Variants in UNC13C observed in about 807,000 individuals in gnomAD.
UNC13C encodes unc-13 homolog C, also known as protein unc-13 homolog C.
In UNC13C, 174 loss-of-function variants were observed where a neutral mutation model predicts 245.4. That is an observed-to-expected ratio of 0.71 (90% confidence interval 0.63 to 0.80). The LOEUF is 0.80. Ranked by LOEUF, UNC13C falls within the 30% of genes least tolerant of loss-of-function variation. The pLI, the probability that UNC13C is intolerant of heterozygous loss-of-function variation, is 0.00. For missense variants in UNC13C, 2,829 were observed against 2,602.9 expected (o/e 1.09, Z -1.89); for synonymous variants, 992 against 895.1 (o/e 1.11, Z -1.93).
Position 54,103,225 on chromosome 15 carries a change from A to G in UNC13C, c.2984-39793A>G, listed in dbSNP as rs552415309. Among the ~76,000 whole-genome samples, 16 of 152,342 alleles carry G rather than the reference A, an allele frequency of 1.1e-4. No individual in the cohort carries two copies. The South Asian group carries it at 2.7e-3, about 26-fold the overall frequency. The stretch of plus-strand genomic sequence containing the variant: ...AGTACATACACATGCTCTCTTACAC[A>G]TAGACATACATCTCGCCATTCTTTT... On this transcript the variant is annotated intron_variant, in intron 2 of 32. Coordinates refer to ENST00000260323, the MANE Select transcript of UNC13C (RefSeq NM_001080534.3).
At chr15:54,165,376 C>T (rs139503373) in intron 4 of UNC13C, among the ~76,000 whole-genome samples, 9 of 152,144 alleles carry the variant, frequency 5.9e-5, no homozygotes, top group African/African-American at 2.2e-4. Flanking sequence ...GTGTCAGGTA[C>T]TAGTATTTTT....
intron 4 of UNC13C, among the ~76,000 whole-genome samples, chr15:54,202,890 A>G (rs1005964580): frequency 2.6e-5 from 4 of 152,008 alleles, no homozygotes; most frequent in African/African-American, 9.7e-5. Flanking sequence ...CATCAACAGA[A>G]TGGGAGAAAA....
intron 30 of UNC13C, among the ~76,000 whole-genome samples, chr15:54,616,579 TAAA>T (rs573338452): frequency 6.6e-6 from 1 of 151,568 alleles, no homozygotes; most frequent in Non-Finnish European, 1.5e-5. Context: ...AGCTTTTAAG[TAAA>T]AAAAAGTCTT....
rs192027789 is a variant in UNC13C at position 54,496,009 on chromosome 15, A to G, written c.5060+1275A>G. Among the ~76,000 whole-genome samples the G allele has an allele frequency of 4.6e-5, 7 of 152,186 alleles. No individual in the cohort carries two copies. The East Asian group carries it at 1.2e-3, about 25-fold the overall frequency. Reference sequence around the variant, plus strand: ...GAGTTCAAGAGATCTATTATACAACATGGTGACTGTAATTAGTGTATCATA... The same window carrying G: ...GAGTTCAAGAGATCTATTATACAACGTGGTGACTGTAATTAGTGTATCATA... On this transcript the variant is annotated intron_variant, in intron 20 of 32. Transcript: ENST00000260323.
chr15:53,967,023 T>C, the UNC13C span, among the ~76,000 whole-genome samples: 1 of 152,164 alleles, frequency 6.6e-6, no homozygotes, highest in African/African-American at 2.4e-5. Context: ...AAAATAATAT[T>C]GCTTCTATTT....
the UNC13C span, among the ~76,000 whole-genome samples, chr15:53,894,473 T>A: frequency 2.0e-5 from 3 of 152,204 alleles, no homozygotes; most frequent in Non-Finnish European, 2.9e-5. Flanking sequence ...GTATCAATTT[T>A]CCAGCTTTCC....
chr15:53,936,054 C>A, the UNC13C span, among the ~76,000 whole-genome samples: 1 of 152,320 alleles, frequency 6.6e-6, no homozygotes, highest in Admixed American at 6.5e-5. Context: ...ACTCCCGTGG[C>A]ACCTCACAAG....
At chr15:54,119,209 C>T (rs1338170089) in intron 2 of UNC13C, among the ~76,000 whole-genome samples, 3 of 151,966 alleles carry the variant, frequency 2.0e-5, no homozygotes, top group African/African-American at 4.8e-5. Context: ...AAAGATATTG[C>T]GTTTTTTTAC....
intron 2 of UNC13C, among the ~76,000 whole-genome samples, chr15:54,089,786 G>A (rs1328336074): frequency 1.3e-5 from 2 of 151,532 alleles, no homozygotes; most frequent in Non-Finnish European, 2.9e-5. Context: ...AGATACACAT[G>A]TAAAGTAACT....
intron 4 of UNC13C, among the ~76,000 whole-genome samples, chr15:54,208,790 A>C (rs1003538180): frequency 6.6e-6 from 1 of 152,172 alleles, no homozygotes. Flanking sequence ...ACATACAATA[A>C]ATAGCCATAA....
chr15:54,329,276 T>G (rs1047989305), intron 14 of UNC13C, among the ~76,000 whole-genome samples: 1 of 152,006 alleles, frequency 6.6e-6, no homozygotes, highest in African/African-American at 2.4e-5. Context: ...CATTTCTTCA[T>G]GTTGGGAACA....
rs75623123 is a variant in UNC13C, at chr15:54,308,033, G to A, written c.4268+7660G>A. On this transcript the variant is annotated intron_variant, in intron 13 of 32. Transcript: ENST00000260323. ...TTGCATAGTATCTCTGAAATTGCTT[G>A]CAACAATCTAAGAATCATAATCTTC... Among the ~76,000 whole-genome samples, 837 of 151,908 alleles carry A rather than the reference G, an allele frequency of 5.5e-3. 6 individuals are homozygous for A. The highest frequency in any genetic ancestry group is 0.019 in the African/African-American group (782 of 41,478).
intron 2 of UNC13C, among the ~76,000 whole-genome samples, chr15:54,089,603 A>G (rs552763416): frequency 6.7e-6 from 1 of 150,316 alleles, no homozygotes; most frequent in African/African-American, 2.4e-5. Flanking sequence ...GTTATTTTCT[A>G]TTTCCTAAAT....
the UNC13C span, among the ~76,000 whole-genome samples, chr15:53,850,983 A>G: frequency 2.0e-5 from 3 of 148,966 alleles, no homozygotes; most frequent in African/African-American, 7.4e-5. Context: ...TTATTCTGTG[A>G]TGTTTTTATT....
the UNC13C span, among the ~76,000 whole-genome samples, chr15:53,872,130 A>G: frequency 1.3e-5 from 2 of 152,176 alleles, no homozygotes; most frequent in East Asian, 1.9e-4. Context: ...GAGAGCCATG[A>G]GCCTTCCTTA....
chr15:54,409,224 C>G (rs1031702131), intron 18 of UNC13C, among the ~76,000 whole-genome samples: 8 of 151,414 alleles, frequency 5.3e-5, no homozygotes, highest in African/African-American at 1.9e-4. Flanking sequence ...TTCATCTCAG[C>G]CACTTTTCCT....
chr15:54,622,177 G>A, intron 30 of UNC13C, 150 bp from the exon 31 acceptor site: 2 of 581,404 alleles, frequency 3.4e-6, no homozygotes, highest in Non-Finnish European at 3.1e-6. Flanking sequence ...TCATACTTAA[G>A]TGAATATTTA....
upstream of UNC13C, among the ~76,000 whole-genome samples, chr15:53,975,693 C>A (rs75603982): frequency 0.1 from 15,619 of 152,166 alleles, 1,253 homozygotes; most frequent in East Asian, 0.29. Context: ...AAGCAGTGAC[C>A]CAGGTTCCTT....
the UNC13C span, among the ~76,000 whole-genome samples, chr15:53,851,230 T>C: frequency 6.6e-6 from 1 of 152,146 alleles, no homozygotes; most frequent in Admixed American, 6.6e-5. Flanking sequence ...TATCCAGTTA[T>C]TTTAAATTTT....
Sources: gnomAD v4.1 joint callset for allele counts (sites outside exome capture counted in the v4.1 genomes callset) on GRCh38, gnomAD v4.1.1 for gene constraint, MANE v1.5 for transcripts, NCBI Gene and HGNC (gene_info 2026-07-23, HGNC 2026-07-21) for gene names.